Variants in PANX1 observed in about 807,000 individuals in gnomAD.
The protein encoded by PANX1 is pannexin-1.
PANX1 carries 30 observed loss-of-function variants against 38.7 expected under a neutral mutation model. The ratio of observed to expected loss-of-function variants is 0.78; its 90% CI spans 0.58 to 1.05. The LOEUF is 1.05. PANX1 is among the 50% of genes least tolerant of loss of function. The pLI is 0.00. For synonymous variants in PANX1, 230 were observed against 212.2 expected (o/e 1.08, Z -0.73); for missense variants, 551 against 517.2 (o/e 1.07, Z -0.63).
At chr11:94,176,929 T>C (rs1947241315) in intron 2 of PANX1, among the ~76,000 whole-genome samples, 1 of 151,702 alleles carries the variant, frequency 6.6e-6, no homozygotes, top group South Asian at 2.1e-4. Flanking sequence ...CCAGGGTTGC[T>C]GTGAGGACTG....
rs562341806 is a variant in PANX1 at position 94,172,802 on chromosome 11, C to T, written c.322-5567C>T. On this transcript the variant is annotated intron_variant, in intron 2 of 4. Coordinates refer to ENST00000227638, the MANE Select transcript of PANX1 (RefSeq NM_015368.4). ...GACAATTCATTGCATTTCATAGATC[C>T]GTGGGAAGGCTGCTCCTTGTCACTT... Among the ~76,000 whole-genome samples the T allele has an allele frequency of 1.8e-4, 27 of 151,796 alleles. 1 individual carries two copies. Among genetic ancestry groups the T allele is most frequent in the African/African-American group, 6.1e-4 (25 of 41,104 alleles).
At chr11:94,147,244 A>C (rs1283986237) in intron 1 of PANX1, among the ~76,000 whole-genome samples, 1 of 152,164 alleles carries the variant, frequency 6.6e-6, no homozygotes, top group Non-Finnish European at 1.5e-5. Flanking sequence ...TATTTTCTGT[A>C]TGTTTGAAAA....
At position 94,179,660 on chromosome 11, in the gene PANX1, A is replaced by T. The variant is rs779108563; in HGVS notation, c.604A>T (p.Thr202Ser). ...CCCAATTGTGGAGCAGTACTTGAAG[A>T]CAAAGAAAAATTCTAATAATTTAAT... ...KYPIVEQYLK[T>S]KKNSNNLIIK... The change falls in exon 4 of 5, where the codon ACA (threonine) becomes TCA (serine). Residue 202 changes from threonine to serine, a missense_variant. Thr to Ser is a moderately conservative substitution (Grantham distance 58). Transcript: ENST00000227638. 6.2e-7 allele frequency: 1 copy of T among 1,613,646 alleles called. No homozygotes were observed. The highest frequency in any genetic ancestry group is 8.5e-7 in the Non-Finnish European group (1 of 1,179,704).
At chr11:94,174,530 C>T (rs1286724003) in intron 2 of PANX1, among the ~76,000 whole-genome samples, 1 of 151,656 alleles carries the variant, frequency 6.6e-6, no homozygotes, top group Admixed American at 6.5e-5. Context: ...TGACCACCTC[C>T]CCAGGGACTT....
chr11:94,177,152 G>A (rs909993653), intron 2 of PANX1, among the ~76,000 whole-genome samples: 1 of 151,436 alleles, frequency 6.6e-6, no homozygotes, highest in Non-Finnish European at 1.5e-5. Flanking sequence ...TGGGGACAGC[G>A]GGAGCCATTG....
rs886226333 is a variant in PANX1 at position 94,161,144 on chromosome 11, G to A, written c.321+7514G>A. Among the ~76,000 whole-genome samples the A allele has an allele frequency of 2.6e-5, 4 of 152,100 alleles. No homozygotes were observed. The East Asian group carries it at 7.7e-4, about 29-fold the overall frequency. ...GGTGGGTAACCCCACCTTTCTCTCT[G>A]GCTGCCCTTAACATTTTTTCCTTCA... On this transcript the variant is annotated intron_variant, in intron 2 of 4. Coordinates refer to ENST00000227638, the MANE Select transcript of PANX1 (RefSeq NM_015368.4).
In PANX1 at chr11:94,181,033, G is replaced by A; in HGVS notation, c.*164G>A. On this transcript the variant is annotated 3_prime_UTR_variant, in exon 5 of 5. Transcript: ENST00000227638. ...CTAATGGAAATGGTGATCAACAAAA[G>A]GTTATGGAAGAATGGTTTATGAACT... 1 of 597,870 alleles carries A rather than the reference G, an allele frequency of 1.7e-6. No individual in the cohort carries two copies. Among genetic ancestry groups the A allele is most frequent in the Non-Finnish European group, 3.0e-6 (1 of 333,200 alleles). 37.0% of individuals were successfully genotyped at this position (597,870 alleles called of 1,614,324 possible).
chr11:94,138,396 GT>G (rs200236802), intron 1 of PANX1, among the ~76,000 whole-genome samples: 1,753 of 152,192 alleles, frequency 0.012, 38 homozygotes, highest in African/African-American at 0.04. Flanking sequence ...TTCTCAATGG[GT>G]TTTATTAACT....
chr11:94,165,803 G>A lies in PANX1; in HGVS notation c.321+12173G>A, dbSNP rs560064859. On this transcript the variant is annotated intron_variant, in intron 2 of 4. Coordinates refer to ENST00000227638, the MANE Select transcript of PANX1 (RefSeq NM_015368.4). ...TGCATGCCTGTAATCCCAGCTACTC[G>A]GGAGGCTGAGGCAGAAGAATCACTT... 2.0e-4 allele frequency among the ~76,000 whole-genome samples: 30 copies of A among 152,236 alleles called. No homozygotes were observed. The South Asian group carries it at 3.5e-3, about 18-fold the overall frequency.
intron 2 of PANX1, among the ~76,000 whole-genome samples, chr11:94,161,225 G>A (rs1371385228): frequency 6.6e-6 from 1 of 152,000 alleles, no homozygotes; most frequent in Non-Finnish European, 1.5e-5. Context: ...TTCTCGAGGA[G>A]TATCTTTGTG....
intron 2 of PANX1, among the ~76,000 whole-genome samples, chr11:94,156,511 AG>A (rs1268316297): frequency 6.6e-6 from 1 of 152,132 alleles, no homozygotes; most frequent in Non-Finnish European, 1.5e-5. Context: ...CTGTTCCTTG[AG>A]AATAAGGGGC....
chr11:94,151,145 T>C (rs1263021435), intron 1 of PANX1, among the ~76,000 whole-genome samples: 1 of 152,192 alleles, frequency 6.6e-6, no homozygotes, highest in African/African-American at 2.4e-5. Flanking sequence ...GTCTAGTGAA[T>C]ATGAGTTGGC....
At position 94,129,224 on chromosome 11, in the gene PANX1, C is replaced by A; in HGVS notation, c.-89C>A. ...GCAAAGGGAAAGCGAAAGCCGCGCGCCCGGCCGGTGACTGGGTGAAGGCGC... is the reference window on the plus strand; with the variant it reads ...GCAAAGGGAAAGCGAAAGCCGCGCGACCGGCCGGTGACTGGGTGAAGGCGC... On this transcript the variant is annotated 5_prime_UTR_variant, in exon 1 of 5. Transcript: ENST00000227638. 1 of 1,168,672 alleles carries A rather than the reference C, an allele frequency of 8.6e-7. No homozygotes were observed. The highest frequency in any genetic ancestry group is 1.2e-6 in the Non-Finnish European group (1 of 835,928). The allele number at this position is 1,168,672 out of a possible 1,614,324, so 72.4% of individuals were successfully genotyped here.
chr11:94,162,200 C>CA (rs1947049214), intron 2 of PANX1, among the ~76,000 whole-genome samples: 1 of 152,202 alleles, frequency 6.6e-6, no homozygotes, highest in Non-Finnish European at 1.5e-5. Context: ...TGTCCATTCT[C>CA]AGACCTCCAG....
chr11:94,146,264 A>G (rs749268002), intron 1 of PANX1, among the ~76,000 whole-genome samples: 14 of 152,252 alleles, frequency 9.2e-5, no homozygotes, highest in Non-Finnish European at 1.3e-4. Flanking sequence ...ACGTGAGTCC[A>G]TATTGATACT....
chr11:94,178,360 G>C lies in PANX1; in HGVS notation c.322-9G>C. The stretch of plus-strand genomic sequence containing the variant: ...TGTTAAGCCCATGATTTGTTCTCTT[G>C]TTTTTCAGTTTTTCCCCTACATCCT... On this transcript the variant is annotated splice_polypyrimidine_tract_variant and intron_variant, in intron 2 of 4. Transcript: ENST00000227638. The C allele has an allele frequency of 1.2e-6, 2 of 1,610,100 alleles. No individual in the cohort carries two copies. Among genetic ancestry groups the C allele is most frequent in the Non-Finnish European group, 1.7e-6 (2 of 1,176,502 alleles).
chr11:94,170,181 CTG>C (rs747834185), intron 2 of PANX1, among the ~76,000 whole-genome samples: 5 of 151,722 alleles, frequency 3.3e-5, no homozygotes, highest in Non-Finnish European at 7.3e-5. Context: ...TCTTCCCAAA[CTG>C]AGACCTGCAT....
chr11:94,169,252 C>G lies in PANX1; in HGVS notation c.322-9117C>G, dbSNP rs534305042. Among the ~76,000 whole-genome samples, 12 of 151,362 alleles carry G rather than the reference C, an allele frequency of 7.9e-5. No individual in the cohort carries two copies. In the South Asian group the frequency reaches 2.5e-3, roughly 32 times the overall value. ...AACATGGAGAGAGGGTGGGGTAGGA[C>G]CAGTCAACAGAGGAGACACAGAGAG... On this transcript the variant is annotated intron_variant, in intron 2 of 4. Transcript: ENST00000227638.
intron 1 of PANX1, among the ~76,000 whole-genome samples, chr11:94,143,115 A>T (rs1291679227): frequency 6.6e-6 from 1 of 152,218 alleles, no homozygotes. Context: ...TCTTTGTTTC[A>T]GTACTGAATT....
Sources: allele counts gnomAD v4.1 joint callset (sites outside exome capture counted in the v4.1 genomes callset), GRCh38; gene constraint gnomAD v4.1.1; transcripts MANE v1.5; gene names NCBI Gene and HGNC (gene_info 2026-07-23, HGNC 2026-07-21).